Variants in PIAS1 observed in about 807,000 individuals in gnomAD.
PIAS1 encodes the protein protein inhibitor of activated STAT 1.
PIAS1 carries 6 observed loss-of-function variants against 71.3 expected under a neutral mutation model. The ratio of observed to expected loss-of-function variants is 0.08; its 90% CI spans 0.05 to 0.17. The LOEUF (loss-of-function observed/expected upper bound fraction) is 0.17. Among genes scored for constraint, PIAS1 ranks in the 10% least tolerant of loss-of-function variants. PIAS1 has a pLI of 1.00. For missense variants in PIAS1, 555 were observed against 793.6 expected (o/e 0.70, Z 3.61); for synonymous variants, 303 against 292.9 (o/e 1.03, Z -0.35).
At chr15:68,164,978 T>C (rs1362686697) in intron 8 of PIAS1, among the ~76,000 whole-genome samples, 174 bp downstream of exon 8, 1 of 152,228 alleles carries the variant, frequency 6.6e-6, no homozygotes, top group Non-Finnish European at 1.5e-5. Flanking sequence ...TAAACAAGTC[T>C]TTAAAAATGA....
At chr15:68,088,176 G>GTATGTGTATATATATA (rs1555424823) in intron 2 of PIAS1, among the ~76,000 whole-genome samples, 1 of 73,008 alleles carries the variant, frequency 1.4e-5, no homozygotes, top group African/African-American at 6.2e-5. Flanking sequence ...TTATGTGTGT[G>GTATGTGTATATATATA]TATATATATA....
rs3083984 is a variant in PIAS1, at chr15:68,177,278, CAAA to C, written c.1481+641_1481+643del. Among the ~76,000 whole-genome samples the C allele has an allele frequency of 2.8e-4, 25 of 90,874 alleles. 1 individual carries two copies. Among genetic ancestry groups the C allele is most frequent in the Admixed American group, 7.0e-4 (5 of 7,178 alleles). The allele number at this position is 90,874 out of a possible 152,430, so 59.6% of individuals were successfully genotyped here. A position where few individuals can be genotyped will look rare whatever the true frequency, so the allele number is the denominator to read the frequency against. On this transcript the variant is annotated intron_variant, in intron 11 of 13. Coordinates refer to ENST00000249636, the MANE Select transcript of PIAS1 (RefSeq NM_016166.3). ...TGGGCAACAGAGCGAGACTTTGTCT[CAAA>C]AAAAAAAAAAAAAAAAGAAAGAAAA...
intron 2 of PIAS1, among the ~76,000 whole-genome samples, chr15:68,132,794 G>A (rs924002418): frequency 3.9e-5 from 6 of 151,972 alleles, no homozygotes; most frequent in African/African-American, 9.7e-5. Flanking sequence ...GAGAGTCCAC[G>A]CAAAATATAA....
At chr15:68,124,793 A>G (rs1421299543) in intron 2 of PIAS1, among the ~76,000 whole-genome samples, 1 of 152,200 alleles carries the variant, frequency 6.6e-6, no homozygotes, top group Non-Finnish European at 1.5e-5. Context: ...AAATAGGCTC[A>G]TTTTAAAAAT....
intron 1 of PIAS1, among the ~76,000 whole-genome samples, chr15:68,080,019 A>G (rs941970901): frequency 2.0e-5 from 3 of 151,856 alleles, no homozygotes; most frequent in African/African-American, 7.3e-5. Context: ...TTTGGTAGAG[A>G]TGGGGTTTCA....
At chr15:68,128,438 G>C (rs1397582024) in intron 2 of PIAS1, among the ~76,000 whole-genome samples, 1 of 152,196 alleles carries the variant, frequency 6.6e-6, no homozygotes, top group East Asian at 1.9e-4. Flanking sequence ...GTGAGCCACT[G>C]CTCCTGGCCA....
At chr15:68,142,743 A>G (rs923494089) in intron 4 of PIAS1, among the ~76,000 whole-genome samples, 3 of 151,704 alleles carry the variant, frequency 2.0e-5, no homozygotes, top group African/African-American at 4.8e-5. Context: ...ACAATATCAT[A>G]TCAAGTTTTA....
rs1236346620 is a variant in PIAS1, at chr15:68,191,172, CTGT to C, written c.*3339_*3341del. ...TAGCTGGTGGTCCCAGAGTGTGCTGCTGTTAATTGTTTAACAAAGGGGAAAATG... is the reference window on the plus strand; with the variant it reads ...TAGCTGGTGGTCCCAGAGTGTGCTGCTAATTGTTTAACAAAGGGGAAAATG... On this transcript the variant is annotated 3_prime_UTR_variant, in exon 14 of 14. Coordinates refer to ENST00000249636, the MANE Select transcript of PIAS1 (RefSeq NM_016166.3). 3 of 152,706 alleles carry C rather than the reference CTGT, an allele frequency of 2.0e-5. No homozygotes were observed. Among genetic ancestry groups the C allele is most frequent in the East Asian group, 3.9e-4 (2 of 5,192 alleles). 9.5% of individuals were successfully genotyped at this position (152,706 alleles called of 1,614,324 possible). A position where few individuals can be genotyped will look rare whatever the true frequency, so the allele number is the denominator to read the frequency against.
intron 2 of PIAS1, among the ~76,000 whole-genome samples, chr15:68,101,836 GA>G (rs1217362898): frequency 6.6e-5 from 10 of 151,624 alleles, no homozygotes; most frequent in African/African-American, 2.4e-4. Context: ...CTGCAGCCTT[GA>G]ACTGCTGGGC....
rs1206149568 is a variant in PIAS1, at chr15:68,188,912, C to T, written c.*1077C>T. Reference sequence around the variant, plus strand: ...ACATCACCTAAAAAAGAAAGATACACGGTCAGTTATCCTAAAAATAAATTG... The same window carrying T: ...ACATCACCTAAAAAAGAAAGATACATGGTCAGTTATCCTAAAAATAAATTG... On this transcript the variant is annotated 3_prime_UTR_variant, in exon 14 of 14. Coordinates refer to ENST00000249636, the MANE Select transcript of PIAS1 (RefSeq NM_016166.3). 3.9e-5 allele frequency: 6 copies of T among 152,152 alleles called. No homozygotes were observed. Among genetic ancestry groups the T allele is most frequent in the African/African-American group, 1.2e-4 (5 of 41,442 alleles). The allele number at this position is 152,152 out of a possible 1,614,324, so 9.4% of individuals were successfully genotyped here. A position where few individuals can be genotyped will look rare whatever the true frequency, so the allele number is the denominator to read the frequency against.
intron 1 of PIAS1, among the ~76,000 whole-genome samples, chr15:68,074,826 G>T (rs969241486): frequency 6.6e-6 from 1 of 150,656 alleles, no homozygotes; most frequent in Admixed American, 6.6e-5. Flanking sequence ...TTCTTATCTG[G>T]AACTTTAGCA....
intron 2 of PIAS1, among the ~76,000 whole-genome samples, chr15:68,137,719 T>A (rs1430507109): frequency 6.6e-6 from 1 of 152,210 alleles, no homozygotes; most frequent in East Asian, 1.9e-4. Context: ...AATGGTCTGA[T>A]AACATTGTCT....
In PIAS1 at chr15:68,126,635, G is replaced by T. The variant is rs1260525867; in HGVS notation, c.470-15311G>T. Among the ~76,000 whole-genome samples the T allele has an allele frequency of 2.6e-5, 4 of 151,936 alleles. No individual in the cohort carries two copies. In the East Asian group the frequency reaches 5.8e-4, roughly 22 times the overall value. On this transcript the variant is annotated intron_variant, in intron 2 of 13. Coordinates refer to ENST00000249636, the MANE Select transcript of PIAS1 (RefSeq NM_016166.3). ...TTTTTGTATTTTTAGTAGAGGCGGG[G>T]TTTCACCATGTTGGCCTGACCTCAA...
At chr15:68,150,608 A>G (rs2141058466) in intron 6 of PIAS1, among the ~76,000 whole-genome samples, 1 of 152,310 alleles carries the variant, frequency 6.6e-6, no homozygotes, top group South Asian at 2.1e-4. Flanking sequence ...AGCGCCTGAA[A>G]GAAGTAAGTG....
At chr15:68,110,815 G>A (rs989868819) in intron 2 of PIAS1, among the ~76,000 whole-genome samples, 1 of 152,170 alleles carries the variant, frequency 6.6e-6, no homozygotes, top group African/African-American at 2.4e-5. Context: ...AGAGAGGGGT[G>A]TGACGGGAAG....
chr15:68,176,206 C>T (rs2093019308), intron 10 of PIAS1, among the ~76,000 whole-genome samples: 1 of 152,098 alleles, frequency 6.6e-6, no homozygotes, highest in Non-Finnish European at 1.5e-5. Flanking sequence ...AATATACCGT[C>T]TGCTCTCAAA....
intron 1 of PIAS1, chr15:68,057,593 T>C: frequency 2.8e-6 from 1 of 359,592 alleles, no homozygotes; most frequent in African/African-American, 2.2e-5. Context: ...CAGTGAATTC[T>C]ATTGTTATTT....
rs1444351453 is a variant in PIAS1 at position 68,185,371 on chromosome 15, A to G, written c.1662+1704A>G. Among the ~76,000 whole-genome samples the G allele has an allele frequency of 6.6e-6, 1 of 152,228 alleles. No individual in the cohort carries two copies. The highest frequency in any genetic ancestry group is 2.4e-5 in the African/African-American group (1 of 41,462). ...TAGAAGACACTGAAGAAGTTTGTTC[A>G]TGACTTCAAAGAATCTGCTAAGGAT... On this transcript the variant is annotated intron_variant, in intron 13 of 13. Coordinates refer to ENST00000249636, the MANE Select transcript of PIAS1 (RefSeq NM_016166.3). The surrounding 1 kb of genome is among the most constrained non-coding windows in gnomAD (Gnocchi z 4.4).
chr15:68,059,726 A>AAAAAG (rs1251291928), intron 1 of PIAS1, among the ~76,000 whole-genome samples: 3 of 151,788 alleles, frequency 2.0e-5, no homozygotes, highest in Admixed American at 2.0e-4. Flanking sequence ...AAAAAAAAAA[A>AAAAAG]AAAAGAAAGC....
Sources: gnomAD v4.1 joint callset for allele counts (sites outside exome capture counted in the v4.1 genomes callset) on GRCh38, gnomAD v4.1.1 for gene constraint, Gnocchi (gnomAD v3.1) non-coding constraint, MANE v1.5 for transcripts, NCBI Gene and HGNC (gene_info 2026-07-23, HGNC 2026-07-21) for gene names.